CBARP: variants seen among roughly 807,000 people sequenced by gnomAD.
CBARP encodes the protein voltage-dependent calcium channel beta subunit-associated regulatory protein.
A neutral mutation model predicts 36.3 loss-of-function variants in CBARP; 24 were observed. That is an observed-to-expected ratio of 0.66 (90% confidence interval 0.48 to 0.93). The LOEUF (loss-of-function observed/expected upper bound fraction) is 0.93. Among genes scored for constraint, CBARP ranks in the 40% least tolerant of loss-of-function variants. CBARP has a pLI of 0.00. For synonymous variants in CBARP, 586 were observed against 453.2 expected, an observed-to-expected ratio of 1.29 and a Z score of -3.72; for missense variants, 1,146 against 980.4, an observed-to-expected ratio of 1.17 and a Z score of -2.26.
At position 1,231,082 on chromosome 19, in the gene CBARP, T is replaced by TC. The variant is rs2080884855; in HGVS notation, c.1154+18dup. 6.3e-7 allele frequency: 1 copy of TC among 1,590,212 alleles called. No homozygotes were observed. The highest frequency in any genetic ancestry group is 8.6e-7 in the Non-Finnish European group (1 of 1,166,542). On this transcript the variant is annotated intron_variant, in intron 9 of 9. Transcript: ENST00000650044. ...GGCCCACAGGTCCACCCCTAGCACC[T>TC]CCATCTACTGAAAAATACCTGCCGA...
At chr19:1,236,224 G>T (rs910994607) in intron 1 of CBARP, 103 bp from the exon 2 acceptor site, 2 of 1,337,354 alleles carry the variant, frequency 1.5e-6, no homozygotes, top group Non-Finnish European at 1.9e-6. Flanking sequence ...GCCCACACAG[G>T]GGGCAGTGAC....
intron 7 of CBARP, among the ~76,000 whole-genome samples, chr19:1,233,882 G>A (rs1000418666): frequency 7.9e-5 from 12 of 152,232 alleles, no homozygotes; most frequent in African/African-American, 2.4e-4. Flanking sequence ...AAGGAGGTGC[G>A]TGTCTAGAAG....
chr19:1,229,761 G>A lies in CBARP; in HGVS notation c.1536C>T (p.Gly512=). ...DSGYASIEGR[G]AGDDTEPPAA... is the part of the protein sequence containing the mutation. ...CAGGTGGCTCGGTGTCGTCGCCTGC[G>A]CCGCGGCCCTCGATGCTGGCGTAGC... Residue 512 remains glycine, a synonymous_variant, in exon 10 of 10, where the codon GGC becomes GGT. Coordinates refer to ENST00000650044, the MANE Select transcript of CBARP (RefSeq NM_001393918.1). The surrounding 1 kb of genome is among the most constrained non-coding windows in gnomAD (Gnocchi z 5.1). 9.9e-7 allele frequency: 1 copy of A among 1,009,066 alleles called. No homozygotes were observed. Among genetic ancestry groups the A allele is most frequent in the Non-Finnish European group, 1.2e-6 (1 of 839,834 alleles). The allele number at this position is 1,009,066 out of a possible 1,614,324, so 62.5% of individuals were successfully genotyped here. A position where few individuals can be genotyped will look rare whatever the true frequency, so the allele number is the denominator to read the frequency against.
intron 8 of CBARP, among the ~76,000 whole-genome samples, chr19:1,232,258 C>A (rs558496651): frequency 6.6e-6 from 1 of 152,100 alleles, no homozygotes; most frequent in Non-Finnish European, 1.5e-5. Context: ...TCAGCTGGAG[C>A]GGGGCAGCCA....
At chr19:1,234,065 C>T (rs2080929043) in intron 7 of CBARP, 126 bp downstream of exon 7, 8 of 1,165,568 alleles carry the variant, frequency 6.9e-6, no homozygotes, top group Admixed American at 7.2e-5. Context: ...TGCAATGACC[C>T]GGCGGGCCAA....
intron 9 of CBARP, chr19:1,230,821 G>A (rs574917073): frequency 2.0e-5 from 29 of 1,469,508 alleles, no homozygotes; most frequent in Non-Finnish European, 2.3e-5. Context: ...TTCAGGCCTC[G>A]GACTCCACCA....
At position 1,234,201 on chromosome 19, in the gene CBARP, T is replaced by C; in HGVS notation, c.758A>G (p.Glu253Gly). ...CGCAGGGGCCCTCACCGAGGTGCCT[T>C]CCCCAGAGTCGCTAGATGCCGAGGG... ...ISPSASSDSG[E>G]GTSLDAGTRS... The change falls in exon 7 of 10, where the codon GAA becomes GGA. Residue 253 changes from glutamate to glycine, a missense_variant. Transcript: ENST00000650044. The C allele has an allele frequency of 6.6e-7, 1 of 1,521,210 alleles. No homozygotes were observed. The allele number at this position is 1,521,210 out of a possible 1,614,324, so 94.2% of individuals were successfully genotyped here.
chr19:1,233,619 C>T lies in CBARP; in HGVS notation c.786G>A (p.Arg262=), dbSNP rs755880663. 6 of 1,608,890 alleles carry T rather than the reference C, an allele frequency of 3.7e-6. No individual in the cohort carries two copies. The highest frequency in any genetic ancestry group is 2.2e-5 in the East Asian group (1 of 44,818). ...GEGTSLDAGT[R]STKAGGPGAA... ...CCCCGGGCCCTCCAGCCTTGGTGCT[C>T]CTGGTACCGGCATCCAACTGGCAGG... The change falls in exon 8 of 10, where the codon AGG becomes AGA. Residue 262 remains arginine (R), a synonymous_variant. Coordinates refer to ENST00000650044, the MANE Select transcript of CBARP (RefSeq NM_001393918.1).
intron 3 of CBARP, 39 bp downstream of exon 3, chr19:1,235,740 C>T: frequency 6.2e-7 from 1 of 1,605,532 alleles, no homozygotes; most frequent in Non-Finnish European, 8.5e-7. Flanking sequence ...GCACCCACAA[C>T]CACCATGCAC....
intron 4 of CBARP, 147 bp downstream of exon 4, chr19:1,235,354 G>A (rs1406106302): frequency 1.4e-5 from 16 of 1,106,622 alleles, no homozygotes; most frequent in Non-Finnish European, 1.9e-5. Context: ...TGGGCGTTAA[G>A]GAAACAGAGA....
chr19:1,235,314 G>T, intron 4 of CBARP, 169 bp from the exon 5 acceptor site: 2 of 1,038,344 alleles, frequency 1.9e-6, no homozygotes, highest in Non-Finnish European at 2.7e-6. Flanking sequence ...ACACTCACTC[G>T]CTCAGCACGC....
At position 1,236,069 on chromosome 19, in the gene CBARP, G is replaced by T; in HGVS notation, c.32C>A (p.Ala11Asp). The T allele has an allele frequency of 6.6e-7, 1 of 1,508,560 alleles. No homozygotes were observed. 93.4% of individuals were successfully genotyped at this position (1,508,560 alleles called of 1,614,324 possible). A position where few individuals can be genotyped will look rare whatever the true frequency, so the allele number is the denominator to read the frequency against. Residue 11 changes from alanine (A) to aspartate (D), a missense_variant, in exon 2 of 10, where the codon GCC becomes GAC. Coordinates refer to ENST00000650044, the MANE Select transcript of CBARP (RefSeq NM_001393918.1). The part of the protein sequence containing the change: MQPTATMATA[A>D]TTTTTTTATV... ...GGCAGTGGTGGTGGTGGTGGTGGTG[G>T]CGGCTGTGGCCATGGTGGCTGTGGG...
Position 1,229,307 on chromosome 19 carries a change from A to T in CBARP, c.1990T>A (p.Ser664Thr). The change falls in exon 10 of 10, where the codon TCG (serine) becomes ACG (threonine). Residue 664 changes from serine to threonine, a missense_variant. Coordinates refer to ENST00000650044, the MANE Select transcript of CBARP (RefSeq NM_001393918.1). The surrounding 1 kb of genome is among the most constrained non-coding windows in gnomAD (Gnocchi z 5.1). ...GSGLCVLPSG[S>T]VLDKLAAGLD... ...CCAGCCGCCAGCTTGTCCAGCACCG[A>T]CCCGGATGGTAGGACGCACAGGCCC... is the stretch of plus-strand genomic sequence containing the variant. 8.0e-7 allele frequency: 1 copy of T among 1,252,822 alleles called. No individual in the cohort carries two copies. The highest frequency in any genetic ancestry group is 1.0e-6 in the Non-Finnish European group (1 of 975,294). The allele number at this position is 1,252,822 out of a possible 1,614,324, so 77.6% of individuals were successfully genotyped here.
chr19:1,235,848 G>A lies in CBARP; in HGVS notation c.176C>T (p.Thr59Met), dbSNP rs374536448. The change falls in exon 3 of 10, where the codon ACG (threonine) becomes ATG (methionine). Residue 59 changes from threonine (T) to methionine (M), a missense_variant. Coordinates refer to ENST00000650044, the MANE Select transcript of CBARP (RefSeq NM_001393918.1). ...VVVMSLFVGGTLVVLSGVLLL... is the reference protein window; with the variant it reads ...VVVMSLFVGGMLVVLSGVLLL... The stretch of plus-strand genomic sequence containing the variant: ...CAGGACGCCAGACAACACCACCAGC[G>A]TGCCCCCCACGAACAGCGACATCAC... The A allele has an allele frequency of 3.8e-5, 61 of 1,611,712 alleles. No individual in the cohort carries two copies. The highest frequency in any genetic ancestry group is 2.7e-4 in the Admixed American group (16 of 60,014).
chr19:1,233,506 A>C lies in CBARP; in HGVS notation c.899T>G (p.Leu300Arg). 1 of 1,608,392 alleles carries C rather than the reference A, an allele frequency of 6.2e-7. No homozygotes were observed. Among genetic ancestry groups the C allele is most frequent in the Non-Finnish European group, 8.5e-7 (1 of 1,178,122 alleles). ...CTTGAAATAGGGGCTGGCCCCATCC[A>C]GGCTGGCATGGCGGCGCAGGCGGGT... ...FLTRLRRHAS[L>R]DGASPYFKVK... Residue 300 changes from leucine (L) to arginine (R), a missense_variant, in exon 8 of 10, where the codon CTG becomes CGG. Physicochemically the swap from Leu to Arg is moderately radical, Grantham distance 102. Transcript: ENST00000650044.
intron 6 of CBARP, 87 bp from the exon 7 acceptor site, chr19:1,234,418 C>T (rs1359351280): frequency 9.8e-5 from 140 of 1,432,254 alleles, no homozygotes; most frequent in Admixed American, 2.8e-5. Flanking sequence ...GAGGAGCATG[C>T]TGGGCTTGGC....
At position 1,231,271 on chromosome 19, in the gene CBARP, G is replaced by C. The variant is rs1350668855; in HGVS notation, c.984C>G (p.Ser328=). ...QRAASLDTRG[S]PKRHHFQRQR... Reference sequence around the variant, plus strand: ...GCCGCTGGAAGTGGTGCCGCTTGGGGGAACCTGCGCACGGGATGTGCCGTA... The same window carrying C: ...GCCGCTGGAAGTGGTGCCGCTTGGGCGAACCTGCGCACGGGATGTGCCGTA... Residue 328 remains serine, a synonymous_variant, in exon 9 of 10, where the codon TCC becomes TCG. Coordinates refer to ENST00000650044, the MANE Select transcript of CBARP (RefSeq NM_001393918.1). The C allele has an allele frequency of 6.2e-7, 1 of 1,600,270 alleles. No individual in the cohort carries two copies. Among genetic ancestry groups the C allele is most frequent in the Non-Finnish European group, 8.5e-7 (1 of 1,179,442 alleles).
In CBARP at chr19:1,236,117, G is replaced by C. The variant is rs748428850; in HGVS notation, c.-17C>G. On this transcript the variant is annotated 5_prime_UTR_variant, in exon 2 of 10. Transcript: ENST00000650044. The stretch of plus-strand genomic sequence containing the variant: ...GGGCTGCATTCTGAACTGGGGAGGA[G>C]GGCCCTGTGGGGAGGAAGCCTGGTC... The C allele has an allele frequency of 4.9e-6, 7 of 1,425,720 alleles. No homozygotes were observed. The African/African-American group carries it at 5.8e-5, about 12-fold the overall frequency. The allele number at this position is 1,425,720 out of a possible 1,614,324, so 88.3% of individuals were successfully genotyped here.
In CBARP at chr19:1,229,896, G is replaced by A. The variant is rs1411415889; in HGVS notation, c.1401C>T (p.Asp467=). ...GNDRDSVRSG[D]SSGSGSGGAA... ...CGCCCCCGGAGCCTGAGCCCGAGCT[G>A]TCGCCGCTGCGCACCGAGTCGCGGT... The change falls in exon 10 of 10, where the codon GAC becomes GAT. Residue 467 remains aspartate (D), a synonymous_variant. Coordinates refer to ENST00000650044, the MANE Select transcript of CBARP (RefSeq NM_001393918.1). The surrounding 1 kb of genome is among the most constrained non-coding windows in gnomAD (Gnocchi z 5.1). The A allele has an allele frequency of 2.2e-5, 24 of 1,073,678 alleles. No individual in the cohort carries two copies. Among genetic ancestry groups the A allele is most frequent in the Non-Finnish European group, 2.8e-5 (24 of 872,378 alleles). The allele number at this position is 1,073,678 out of a possible 1,614,324, so 66.5% of individuals were successfully genotyped here. A position where few individuals can be genotyped will look rare whatever the true frequency, so the allele number is the denominator to read the frequency against.
Sources: gnomAD v4.1 joint callset for allele counts (sites outside exome capture counted in the v4.1 genomes callset) on GRCh38, gnomAD v4.1.1 for gene constraint, Gnocchi (gnomAD v3.1) non-coding constraint, MANE v1.5 for transcripts, NCBI Gene and HGNC (gene_info 2026-07-23, HGNC 2026-07-21) for gene names.